The following PJVK variants were observed in gnomAD, a reference collection of about 807,000 sequenced individuals.
The protein encoded by PJVK is pejvakin.
PJVK carries 33 observed loss-of-function variants against 37.6 expected under a neutral mutation model. That is an observed-to-expected ratio of 0.88 (90% CI 0.67 to 1.17). PJVK has a LOEUF of 1.17. Among genes scored for constraint, PJVK ranks in the 50% most tolerant of loss-of-function variants. The pLI, the probability that PJVK is intolerant of heterozygous loss-of-function variation, is 0.00. For synonymous variants in PJVK, 141 were observed against 143.5 expected (o/e 0.98, Z 0.13); for missense variants, 410 against 413.8 (o/e 0.99, Z 0.08).
In PJVK at chr2:178,452,794, T is replaced by C. The variant is rs563622379; in HGVS notation, c.-22-594T>C. 249 of 200,228 alleles carry C rather than the reference T, an allele frequency of 1.2e-3. 6 individuals are homozygous for C. In the South Asian group the frequency reaches 0.02, roughly 16 times the overall value. 12.4% of individuals were successfully genotyped at this position (200,228 alleles called of 1,614,324 possible). A position where few individuals can be genotyped will look rare whatever the true frequency, so the allele number is the denominator to read the frequency against. On this transcript the variant is annotated intron_variant, in intron 1 of 6. Coordinates refer to ENST00000644580, the MANE Select transcript of PJVK (RefSeq NM_001042702.5). ...GTGGCTTTATTTTTTAAATAAAGATTTGCATATAATTGTTTATATCTGTGA... is the reference window on the plus strand; with the variant it reads ...GTGGCTTTATTTTTTAAATAAAGATCTGCATATAATTGTTTATATCTGTGA...
At chr2:178,459,168 C>G in intron 5 of PJVK, 3 of 472,098 alleles carry the variant, frequency 6.4e-6, no homozygotes, top group South Asian at 4.6e-5. Flanking sequence ...AAGTGCAGCT[C>G]ACTTTAGGTC....
chr2:178,459,134 A>G (rs1684323024), intron 5 of PJVK: 5 of 470,646 alleles, frequency 1.1e-5, no homozygotes, highest in South Asian at 6.2e-5. Context: ...ACTTCCTCCA[A>G]AATTGTCACC....
chr2:178,451,384 C>T lies in PJVK; in HGVS notation c.-408C>T. On this transcript the variant is annotated 5_prime_UTR_variant, in exon 1 of 7. Coordinates refer to ENST00000644580, the MANE Select transcript of PJVK (RefSeq NM_001042702.5). ...GCCCGCCCCTGCCGGCCCTGACCAG[C>T]CTGTAGTAACTGGCCCCTAGGCCGC... The T allele has an allele frequency of 3.0e-6, 1 of 332,784 alleles. No homozygotes were observed. Among genetic ancestry groups the T allele is most frequent in the South Asian group, 3.8e-5 (1 of 26,326 alleles). The allele number at this position is 332,784 out of a possible 1,614,324, so 20.6% of individuals were successfully genotyped here.
Position 178,461,479 on chromosome 2 carries a change from A to C in PJVK, c.*205A>C. The C allele has an allele frequency of 1.8e-6, 1 of 549,710 alleles. No individual in the cohort carries two copies. The highest frequency in any genetic ancestry group is 2.3e-5 in the South Asian group (1 of 43,294). The allele number at this position is 549,710 out of a possible 1,614,324, so 34.1% of individuals were successfully genotyped here. A position where few individuals can be genotyped will look rare whatever the true frequency, so the allele number is the denominator to read the frequency against. Reference sequence around the variant, plus strand: ...TCTTAAGTTGTCATGAAAATTAATAACATTGTTTATATCAAAAAAGATTTA... The same window carrying C: ...TCTTAAGTTGTCATGAAAATTAATACCATTGTTTATATCAAAAAAGATTTA... On this transcript the variant is annotated 3_prime_UTR_variant, in exon 7 of 7. Transcript: ENST00000644580.
At chr2:178,460,848 C>CAAAAAA (rs748779811) in intron 6 of PJVK, 134 bp from the exon 7 acceptor site, 7 of 310,292 alleles carry the variant, frequency 2.3e-5, no homozygotes, top group Admixed American at 5.9e-5. Context: ...GACCCTGTCT[C>CAAAAAA]AAAAAAAAAA....
At chr2:178,453,320 A>T in intron 1 of PJVK, 68 bp from the exon 2 acceptor site, 1 of 1,306,232 alleles carries the variant, frequency 7.7e-7, no homozygotes, top group East Asian at 2.4e-5. Context: ...ATTATATTTA[A>T]AAACAAGCAA....
At position 178,460,351 on chromosome 2, in the gene PJVK, T is replaced by G. The variant is rs370457498; in HGVS notation, c.671T>G (p.Leu224Arg). The G allele has an allele frequency of 3.1e-6, 5 of 1,613,646 alleles. No homozygotes were observed. Among genetic ancestry groups the G allele is most frequent in the Non-Finnish European group, 4.2e-6 (5 of 1,179,684 alleles). The change falls in exon 6 of 7, where the codon CTT becomes CGT. Residue 224 changes from leucine to arginine, a missense_variant. Transcript: ENST00000644580. ...LFIYLDGAFD[L>R]CVTSVSKGGF... The stretch of plus-strand genomic sequence containing the variant: ...CTTCTAACAATTTTTTTTGTAGACC[T>G]TTGTGTCACTTCAGTGTCAAAAGGA...
At chr2:178,456,615 A>T (rs146642080) in intron 4 of PJVK, among the ~76,000 whole-genome samples, 1 of 152,266 alleles carries the variant, frequency 6.6e-6, no homozygotes, top group South Asian at 2.1e-4. Context: ...AAAATACAAA[A>T]ATTAGCCAGG....
intron 4 of PJVK, among the ~76,000 whole-genome samples, chr2:178,457,811 A>T (rs192661480): frequency 2.0e-5 from 3 of 152,178 alleles, no homozygotes; most frequent in Admixed American, 2.0e-4. Context: ...GTAGGCTATG[A>T]TTGTGCCACT....
intron 4 of PJVK, among the ~76,000 whole-genome samples, chr2:178,457,860 G>GA (rs967632924): frequency 8.6e-5 from 13 of 150,738 alleles, no homozygotes; most frequent in African/African-American, 1.9e-4. Context: ...CCCTGTCTCT[G>GA]AAAAAAAAAT....
At chr2:178,452,143 A>G (rs1697711522) in intron 1 of PJVK, among the ~76,000 whole-genome samples, 1 of 151,826 alleles carries the variant, frequency 6.6e-6, no homozygotes, top group Non-Finnish European at 1.5e-5. Flanking sequence ...AAATACAAAA[A>G]TTAGCCGGGC....
At chr2:178,460,766 T>C (rs995643133) in intron 6 of PJVK, among the ~76,000 whole-genome samples, 2 of 150,328 alleles carry the variant, frequency 1.3e-5, no homozygotes, top group African/African-American at 4.9e-5. Flanking sequence ...GGAGGATCAC[T>C]TGAGCGTGGG....
chr2:178,454,085 G>T lies in PJVK; in HGVS notation c.212-247G>T, dbSNP rs138287395. ...CGCTTATTTTTTCTTTTAATTGCCC[G>T]GTGGATCTTGATGCTTAAGAAGTTC... On this transcript the variant is annotated intron_variant, in intron 2 of 6. Transcript: ENST00000644580. 3,029 of 388,016 alleles carry T rather than the reference G, an allele frequency of 7.8e-3. 30 individuals are homozygous for T. Among genetic ancestry groups the T allele is most frequent in the Non-Finnish European group, 0.01 (2,160 of 207,914 alleles). 24.0% of individuals were successfully genotyped at this position (388,016 alleles called of 1,614,324 possible).
chr2:178,453,631 A>G lies in PJVK; in HGVS notation c.211+11A>G. Reference sequence around the variant, plus strand: ...GAGAAATTTCAGCTGGTAAGTTTAAATGTTTGGGAGTGCCAACTCATTCAT... The same window carrying G: ...GAGAAATTTCAGCTGGTAAGTTTAAGTGTTTGGGAGTGCCAACTCATTCAT... On this transcript the variant is annotated intron_variant, in intron 2 of 6. Coordinates refer to ENST00000644580, the MANE Select transcript of PJVK (RefSeq NM_001042702.5). 1 of 1,605,200 alleles carries G rather than the reference A, an allele frequency of 6.2e-7. No individual in the cohort carries two copies. Among genetic ancestry groups the G allele is most frequent in the Non-Finnish European group, 8.5e-7 (1 of 1,174,270 alleles).
intron 4 of PJVK, among the ~76,000 whole-genome samples, chr2:178,456,999 C>T (rs985754665): frequency 3.3e-5 from 5 of 151,984 alleles, no homozygotes; most frequent in African/African-American, 1.2e-4. Flanking sequence ...GACGGAGTCT[C>T]GCTCTGTCCC....
Position 178,454,491 on chromosome 2 carries a change from T to G in PJVK, c.371T>G (p.Val124Gly), listed in dbSNP as rs762219548. 6.2e-7 allele frequency: 1 copy of G among 1,613,892 alleles called. No individual in the cohort carries two copies. Among genetic ancestry groups the G allele is most frequent in the Non-Finnish European group, 8.5e-7 (1 of 1,179,962 alleles). Residue 124 changes from valine to glycine, a missense_variant, in exon 3 of 7, where the codon GTG (valine) becomes GGG (glycine). Val to Gly is a moderately radical substitution (Grantham distance 109, BLOSUM62 -3). Coordinates refer to ENST00000644580, the MANE Select transcript of PJVK (RefSeq NM_001042702.5). The stretch of plus-strand genomic sequence containing the variant: ...TTTGGTATAGTAACCAAACATGAAG[T>G]GGAAGTATCAACATTACTCAAAGAA... ...ASFGIVTKHE[V>G]EVSTLLKEIT...
rs1450297336 is a variant in PJVK at position 178,453,452 on chromosome 2, G to A, written c.43G>A (p.Asp15Asn). Reference sequence around the variant, plus strand: ...CAAGAGCTTTGTCAAGCAAGTTGGAGATGGAGGGAGATTAGTTCCTGTTCC... The same window carrying A: ...CAAGAGCTTTGTCAAGCAAGTTGGAAATGGAGGGAGATTAGTTCCTGTTCC... ...ATKSFVKQVG[D>N]GGRLVPVPSL... Residue 15 changes from aspartate (D) to asparagine (N), a missense_variant, in exon 2 of 7, where the codon GAT becomes AAT. By Grantham distance (23) the Asp-to-Asn change is conservative. Transcript: ENST00000644580. The A allele has an allele frequency of 6.2e-7, 1 of 1,614,198 alleles. No homozygotes were observed. Among genetic ancestry groups the A allele is most frequent in the Non-Finnish European group, 8.5e-7 (1 of 1,180,022 alleles).
At position 178,453,851 on chromosome 2, in the gene PJVK, T is replaced by A. The variant is rs1042722776; in HGVS notation, c.211+231T>A. 101 of 464,236 alleles carry A rather than the reference T, an allele frequency of 2.2e-4. 1 individual carries two copies. Among genetic ancestry groups the A allele is most frequent in the Non-Finnish European group, 4.4e-5 (11 of 249,056 alleles). 28.8% of individuals were successfully genotyped at this position (464,236 alleles called of 1,614,324 possible). ...CAAATCTATCAATTATTTTATAAATTGTTTTAACCAAATCAACTTAGAATA... is the reference window on the plus strand; with the variant it reads ...CAAATCTATCAATTATTTTATAAATAGTTTTAACCAAATCAACTTAGAATA... On this transcript the variant is annotated intron_variant, in intron 2 of 6. Transcript: ENST00000644580.
chr2:178,455,926 A>G, intron 3 of PJVK, 84 bp from the exon 4 acceptor site: 1 of 1,493,918 alleles, frequency 6.7e-7, no homozygotes, highest in Non-Finnish European at 9.2e-7. Flanking sequence ...ACTATGAATG[A>G]ATAACACATG....
Sources: allele counts gnomAD v4.1 joint callset (sites outside exome capture counted in the v4.1 genomes callset), GRCh38; gene constraint gnomAD v4.1.1; transcripts MANE v1.5; gene names NCBI Gene and HGNC (gene_info 2026-07-23, HGNC 2026-07-21).